Variants in DIAPH2 observed in about 807,000 individuals in gnomAD.
DIAPH2 encodes diaphanous related formin 2.
In DIAPH2, 35 loss-of-function variants were observed where a neutral mutation model predicts 92.7. The observed-to-expected ratio is 0.38, with a 90% CI of 0.29 to 0.50. The LOEUF (loss-of-function observed/expected upper bound fraction) is 0.50. DIAPH2 is among the 20% of genes least tolerant of loss of function. DIAPH2 has a pLI of 0.94. For synonymous variants in DIAPH2, 301 were observed against 280.4 expected (o/e 1.07, Z -0.73); for missense variants, 701 against 819.5 (o/e 0.86, Z 1.77).
chrX:97,482,660 GAAAA>G (rs397932731), intron 26 of DIAPH2, among the ~76,000 whole-genome samples: 1 of 85,547 alleles, frequency 1.2e-5, no homozygotes, highest in Non-Finnish European at 2.4e-5. Context: ...GGACCAAAAA[GAAAA>G]AAAAAAAAAA....
intron 3 of DIAPH2, among the ~76,000 whole-genome samples, chrX:96,747,106 G>A (rs6615858): frequency 9.0e-6 from 1 of 111,186 alleles, no homozygotes; most frequent in East Asian, 2.8e-4. Context: ...ATGCTTATTA[G>A]TGTTTTCATC....
intron 22 of DIAPH2, among the ~76,000 whole-genome samples, chrX:97,245,115 TTTG>T: frequency 1.9e-5 from 1 of 51,853 alleles, no homozygotes; most frequent in Non-Finnish European, 4.1e-5. Context: ...CACATGAGTT[TTTG>T]TTTGTTTGTT....
intron 18 of DIAPH2, 71 bp from the exon 19 acceptor site, chrX:97,075,096 A>C: frequency 1.5e-6 from 1 of 665,692 alleles, no homozygotes; most frequent in Non-Finnish European, 2.3e-6. Context: ...ATGAAATGAA[A>C]ATCAGACGTT....
chrX:97,010,957 G>C (rs2066220934), intron 17 of DIAPH2, among the ~76,000 whole-genome samples: 1 of 111,439 alleles, frequency 9.0e-6, no homozygotes, highest in African/African-American at 3.3e-5. Context: ...ACCTATACTG[G>C]AGAAGGAAAC....
intron 4 of DIAPH2, among the ~76,000 whole-genome samples, chrX:96,798,348 T>C (rs1363082947): frequency 9.0e-6 from 1 of 111,590 alleles, no homozygotes; most frequent in Non-Finnish European, 1.9e-5. Context: ...TTTACCATTA[T>C]CTTAATTTCA....
At chrX:97,391,214 G>C (rs1182358462) in intron 25 of DIAPH2, among the ~76,000 whole-genome samples, 1 of 111,218 alleles carries the variant, frequency 9.0e-6, no homozygotes, top group Non-Finnish European at 1.9e-5. Context: ...TTCTCAGAGA[G>C]TGTCTTATGA....
chrX:97,476,964 A>AT (rs1348112990), intron 26 of DIAPH2, among the ~76,000 whole-genome samples: 21 of 51,195 alleles, frequency 4.1e-4, no homozygotes, highest in African/African-American at 1.3e-3. Context: ...AAAAAAAAAA[A>AT]AAAAATATAT....
intron 25 of DIAPH2, among the ~76,000 whole-genome samples, chrX:97,423,818 C>A (rs1295176479): frequency 8.9e-6 from 1 of 111,811 alleles, no homozygotes; most frequent in African/African-American, 3.2e-5. Context: ...GTAAAAAACA[C>A]ATTTTTTGCA....
chrX:96,861,679 C>T (rs912144211), intron 4 of DIAPH2, among the ~76,000 whole-genome samples: 1 of 112,031 alleles, frequency 8.9e-6, no homozygotes, highest in East Asian at 2.8e-4. Context: ...GTCCAAACCC[C>T]TTAATGGGGC....
In DIAPH2 at chrX:96,844,395, T is replaced by C. The variant is rs1230177725; in HGVS notation, c.448-37184T>C. On this transcript the variant is annotated intron_variant, in intron 4 of 26. Coordinates refer to ENST00000324765, the MANE Select transcript of DIAPH2 (RefSeq NM_006729.5). ...ACATAGGTAAAGTGGCTTATTTTTG[T>C]GTTAAACAAACATGCTTAAAAGCAC... Among the ~76,000 whole-genome samples the C allele has an allele frequency of 4.4e-5, 5 of 112,729 alleles. No individual in the cohort carries two copies. The Admixed American group carries it at 4.7e-4, about 11-fold the overall frequency.
chrX:97,328,981 T>C (rs999469061), intron 23 of DIAPH2, among the ~76,000 whole-genome samples: 1 of 111,999 alleles, frequency 8.9e-6, no homozygotes, highest in Non-Finnish European at 1.9e-5. Flanking sequence ...CCATCAAAAA[T>C]AGCCTTAAGG....
At chrX:97,396,075 T>C (rs1378338964) in intron 25 of DIAPH2, among the ~76,000 whole-genome samples, 1 of 112,386 alleles carries the variant, frequency 8.9e-6, no homozygotes, top group Admixed American at 9.5e-5. Flanking sequence ...CCAAAACACA[T>C]TGTAGGTGGC....
chrX:97,299,134 A>G (rs1245271550), intron 23 of DIAPH2, among the ~76,000 whole-genome samples: 1 of 112,000 alleles, frequency 8.9e-6, no homozygotes, highest in Non-Finnish European at 1.9e-5. Flanking sequence ...AATGATCTAT[A>G]AAGAGGGAAA....
intron 17 of DIAPH2, among the ~76,000 whole-genome samples, chrX:97,002,792 T>C (rs578249507): frequency 1.8e-5 from 2 of 111,896 alleles, no homozygotes; most frequent in East Asian, 2.8e-4. Flanking sequence ...CTTTTTGTTA[T>C]ACACAATCTA....
intron 23 of DIAPH2, 101 bp downstream of exon 23, chrX:97,247,940 C>A: frequency 1.3e-6 from 1 of 775,441 alleles, no homozygotes; most frequent in Non-Finnish European, 1.8e-6. Flanking sequence ...TCTTTTCACA[C>A]CATCTGGATG....
chrX:96,829,010 A>T (rs2064833029), intron 4 of DIAPH2, among the ~76,000 whole-genome samples: 1 of 112,266 alleles, frequency 8.9e-6, no homozygotes, highest in Admixed American at 9.4e-5. Flanking sequence ...ATGCTTTCCG[A>T]TTATAAAATT....
chrX:97,018,261 G>C (rs2066273622), intron 17 of DIAPH2, among the ~76,000 whole-genome samples: 1 of 111,725 alleles, frequency 9.0e-6, no homozygotes, highest in Non-Finnish European at 1.9e-5. Context: ...AAACAGGAGA[G>C]GCTAGCATCT....
In DIAPH2 at chrX:97,261,138, G is replaced by A. The variant is rs966662524; in HGVS notation, c.2844+13299G>A. Among the ~76,000 whole-genome samples the A allele has an allele frequency of 6.5e-4, 73 of 112,193 alleles. 1 individual carries two copies. The highest frequency in any genetic ancestry group is 2.2e-3 in the African/African-American group (67 of 30,952). Reference sequence around the variant, plus strand: ...GTTTATAAAAACCTGGCATATCTTCGAATTATAAGTTTATAAAAACCTGGC... The same window carrying A: ...GTTTATAAAAACCTGGCATATCTTCAAATTATAAGTTTATAAAAACCTGGC... On this transcript the variant is annotated intron_variant, in intron 23 of 26. Transcript: ENST00000324765.
chrX:97,182,754 A>G (rs2067550010), intron 22 of DIAPH2, among the ~76,000 whole-genome samples: 1 of 111,693 alleles, frequency 9.0e-6, no homozygotes, highest in Non-Finnish European at 1.9e-5. Context: ...ATTCAGAGAA[A>G]GGTTCCTGGC....
Sources: gnomAD v4.1 joint callset for allele counts (sites outside exome capture counted in the v4.1 genomes callset) on GRCh38, gnomAD v4.1.1 for gene constraint, MANE v1.5 for transcripts, NCBI Gene and HGNC (gene_info 2026-07-23, HGNC 2026-07-21) for gene names.